TTLL11: variants seen among roughly 807,000 people sequenced by gnomAD.
TTLL11 encodes tubulin tyrosine ligase like 11.
A neutral mutation model predicts 51.7 loss-of-function variants in TTLL11; 42 were observed. That is an observed-to-expected ratio of 0.81 (90% CI 0.64 to 1.05). TTLL11 has a LOEUF of 1.05. Among genes scored for constraint, TTLL11 ranks in the 50% least tolerant of loss-of-function variants. The pLI, the probability that TTLL11 is intolerant of heterozygous loss-of-function variation, is 0.00. For missense variants in TTLL11, 799 were observed against 940.4 expected, an observed-to-expected ratio of 0.85 and a Z score of 1.97; for synonymous variants, 381 against 383.5, an observed-to-expected ratio of 0.99 and a Z score of 0.08.
chr9:122,015,710 C>T (rs775251277), intron 3 of TTLL11, among the ~76,000 whole-genome samples: 7 of 151,424 alleles, frequency 4.6e-5, no homozygotes, highest in African/African-American at 1.2e-4. Flanking sequence ...TCTCATGCTC[C>T]GAGCCTGGCC....
intron 6 of TTLL11, among the ~76,000 whole-genome samples, chr9:121,872,094 C>A (rs1261157839): frequency 6.6e-6 from 1 of 152,208 alleles, no homozygotes; most frequent in African/African-American, 2.4e-5. Context: ...GTTAATGGTA[C>A]CAAGGCCTGT....
At chr9:121,926,944 C>T (rs1840758869) in intron 6 of TTLL11, among the ~76,000 whole-genome samples, 1 of 152,192 alleles carries the variant, frequency 6.6e-6, no homozygotes, top group African/African-American at 2.4e-5. Context: ...AGACAGCCGA[C>T]TTCTCATGAG....
chr9:121,826,553 G>GTATA lies in TTLL11; in HGVS notation c.1841-3675_1841-3674insTATA, dbSNP rs1385087890. On this transcript the variant is annotated intron_variant, in intron 8 of 8. Transcript: ENST00000321582. ...TGTGTGTGTGTATATATATATATGT[G>GTATA]TGTGTATATATATATATATATATAT... 9.1e-4 allele frequency among the ~76,000 whole-genome samples: 41 copies of GTATA among 45,204 alleles called. 1 individual carries two copies. The highest frequency in any genetic ancestry group is 7.0e-3 in the African/African-American group (39 of 5,544). 29.7% of individuals were successfully genotyped at this position (45,204 alleles called of 152,430 possible).
chr9:122,020,563 G>A (rs547153579), intron 3 of TTLL11, among the ~76,000 whole-genome samples: 7 of 152,310 alleles, frequency 4.6e-5, no homozygotes, highest in African/African-American at 1.4e-4. Flanking sequence ...ATCCTGCGAG[G>A]GTTGCTAAAG....
intron 1 of TTLL11, among the ~76,000 whole-genome samples, chr9:122,082,501 CAAA>C (rs35349693): frequency 1.2e-5 from 1 of 84,648 alleles, no homozygotes; most frequent in Non-Finnish European, 2.5e-5. Context: ...GACTCTGTCT[CAAA>C]AAAAAAAAAA....
chr9:122,082,021 T>G (rs1418369719), intron 1 of TTLL11, among the ~76,000 whole-genome samples: 16 of 152,238 alleles, frequency 1.1e-4, no homozygotes. Context: ...CATTTTTACC[T>G]GTCAGTCTGG....
chr9:121,826,804 T>C (rs1433106810), intron 8 of TTLL11, among the ~76,000 whole-genome samples: 1 of 151,780 alleles, frequency 6.6e-6, no homozygotes, highest in Non-Finnish European at 1.5e-5. Context: ...AAAGTGGGCA[T>C]GACAGTGGGG....
chr9:121,928,487 C>G (rs1165584999), intron 6 of TTLL11, among the ~76,000 whole-genome samples: 1 of 147,518 alleles, frequency 6.8e-6, no homozygotes, highest in Non-Finnish European at 1.5e-5. Context: ...TTTTGCTAGG[C>G]TGCAGTGCAG....
At chr9:121,934,500 C>G (rs1189822168) in intron 6 of TTLL11, among the ~76,000 whole-genome samples, 3 of 152,156 alleles carry the variant, frequency 2.0e-5, no homozygotes, top group Non-Finnish European at 4.4e-5. Flanking sequence ...TCAGAGATTC[C>G]AGTTTTTGCT....
intron 8 of TTLL11, among the ~76,000 whole-genome samples, chr9:121,839,024 G>A (rs940296876): frequency 2.6e-5 from 4 of 152,172 alleles, no homozygotes. Flanking sequence ...CCTTGGGGCC[G>A]GTCCCTGGCC....
intron 6 of TTLL11, among the ~76,000 whole-genome samples, chr9:121,897,395 C>T (rs1839566119): frequency 6.6e-6 from 1 of 152,122 alleles, no homozygotes. Context: ...CTTCTGGGGG[C>T]TGCGGTCATT....
intron 6 of TTLL11, among the ~76,000 whole-genome samples, chr9:121,909,719 G>A (rs1439901427): frequency 2.6e-5 from 4 of 152,144 alleles, no homozygotes; most frequent in Non-Finnish European, 4.4e-5. Context: ...CACACAGACA[G>A]CTCACTCAGT....
intron 1 of TTLL11, among the ~76,000 whole-genome samples, chr9:122,048,311 C>T (rs1845072504): frequency 6.6e-6 from 1 of 152,062 alleles, no homozygotes; most frequent in Non-Finnish European, 1.5e-5. Flanking sequence ...GAACTATAAG[C>T]AAATGGCACA....
chr9:122,021,764 G>A (rs535674178), intron 3 of TTLL11, among the ~76,000 whole-genome samples: 4 of 152,076 alleles, frequency 2.6e-5, no homozygotes, highest in Admixed American at 6.5e-5. Context: ...TCCAAATAAG[G>A]TAAGATTCAC....
intron 8 of TTLL11, among the ~76,000 whole-genome samples, chr9:121,850,797 T>G (rs1837646215): frequency 6.6e-6 from 1 of 152,174 alleles, no homozygotes; most frequent in Non-Finnish European, 1.5e-5. Context: ...AGTAGACACC[T>G]GAAATTAACC....
chr9:121,976,284 T>C (rs1292304838), intron 4 of TTLL11, among the ~76,000 whole-genome samples: 1 of 152,176 alleles, frequency 6.6e-6, no homozygotes, highest in Non-Finnish European at 1.5e-5. Context: ...TTCTTTCTAT[T>C]CCTTACAGCT....
intron 6 of TTLL11, among the ~76,000 whole-genome samples, chr9:121,960,049 C>G (rs73662545): frequency 0.077 from 11,739 of 152,066 alleles, 684 homozygotes; most frequent in African/African-American, 0.16. Flanking sequence ...ACCTGTAACC[C>G]TCTCAGATCA....
chr9:122,066,324 T>G (rs1225644957), intron 1 of TTLL11, among the ~76,000 whole-genome samples: 1 of 151,778 alleles, frequency 6.6e-6, no homozygotes, highest in Non-Finnish European at 1.5e-5. Flanking sequence ...TTCCCTTTAC[T>G]AAGAGAGAGA....
At chr9:122,036,163 A>G (rs1844694030) in intron 2 of TTLL11, among the ~76,000 whole-genome samples, 1 of 151,780 alleles carries the variant, frequency 6.6e-6, no homozygotes, top group Non-Finnish European at 1.5e-5. Context: ...CCTAGGCTGT[A>G]TTTTTCTTCT....
Sources: allele counts gnomAD v4.1 joint callset (sites outside exome capture counted in the v4.1 genomes callset), GRCh38; gene constraint gnomAD v4.1.1; transcripts MANE v1.5; gene names NCBI Gene and HGNC (gene_info 2026-07-23, HGNC 2026-07-21).